SIAH3: variants seen among roughly 807,000 people sequenced by gnomAD.
SIAH3 encodes seven in absentia homolog 3.
In SIAH3, 9 loss-of-function variants were observed where a neutral mutation model predicts 12.6. The ratio of observed to expected loss-of-function variants is 0.72; its 90% CI spans 0.43 to 1.25. SIAH3 has a LOEUF of 1.25. Ranked by LOEUF, SIAH3 falls within the 50% of genes most tolerant of loss-of-function variation. The pLI, the probability that SIAH3 is intolerant of heterozygous loss-of-function variation, is 0.00. For missense variants in SIAH3, 390 were observed against 365.4 expected, an observed-to-expected ratio of 1.07 and a Z score of -0.55; for synonymous variants, 154 against 151.1, an observed-to-expected ratio of 1.02 and a Z score of -0.14.
intron 1 of SIAH3, among the ~76,000 whole-genome samples, chr13:45,785,129 C>A (rs1300431156): frequency 6.6e-6 from 1 of 152,182 alleles, no homozygotes; most frequent in Non-Finnish European, 1.5e-5. Context: ...ACTCTGAACA[C>A]AAGAGCACAC....
At position 45,847,709 on chromosome 13, in the gene SIAH3, C is replaced by G. The variant is rs75761091; in HGVS notation, c.135+3786G>C. ...GGGGTTGTCTGGGGTGGTGCAGGCA[C>G]AGGTTGGAGGTATCAGAGAGGGCCT... On this transcript the variant is annotated intron_variant, in intron 1 of 1. Coordinates refer to ENST00000400405, the MANE Select transcript of SIAH3 (RefSeq NM_198849.3). Among the ~76,000 whole-genome samples the G allele has an allele frequency of 0.012, 1,751 of 151,786 alleles. 102 individuals are homozygous for G. In the East Asian group the frequency reaches 0.14, roughly 12 times the overall value.
In SIAH3 at chr13:45,851,517, A is replaced by G. The variant is rs765718300; in HGVS notation, c.113T>C (p.Val38Ala). ...CACCTTTAGGTTGTGTGTGGGGTTG[A>G]CGACACAGACAAGTTGCCCGGCAGC... ...FSAAGQLVCVVNPTHNLKYVS... is the reference protein window; with the variant it reads ...FSAAGQLVCVANPTHNLKYVS... Residue 38 changes from valine to alanine, a missense_variant, in exon 1 of 2, where the codon GTC (valine) becomes GCC (alanine). Physicochemically the swap from Val to Ala is moderately conservative, Grantham distance 64 (BLOSUM62 0). Transcript: ENST00000400405. The G allele has an allele frequency of 6.2e-6, 10 of 1,614,170 alleles. No individual in the cohort carries two copies. In the Admixed American group the frequency reaches 1.7e-4, roughly 27 times the overall value.
intron 1 of SIAH3, among the ~76,000 whole-genome samples, chr13:45,813,039 T>C (rs1193680838): frequency 6.6e-6 from 1 of 152,222 alleles, no homozygotes; most frequent in Non-Finnish European, 1.5e-5. Flanking sequence ...TGTCCTGCCC[T>C]GGCTGTCTGC....
At chr13:45,813,646 A>G (rs938805646) in intron 1 of SIAH3, among the ~76,000 whole-genome samples, 6 of 152,308 alleles carry the variant, frequency 3.9e-5, no homozygotes, top group Non-Finnish European at 8.8e-5. Flanking sequence ...CACCAACCTA[A>G]TATTTCACAG....
intron 1 of SIAH3, among the ~76,000 whole-genome samples, chr13:45,795,674 G>C (rs1049024411): frequency 2.6e-5 from 4 of 152,130 alleles, no homozygotes; most frequent in Non-Finnish European, 5.9e-5. Context: ...ACTGTGGCAG[G>C]TCACCTTTTG....
intron 1 of SIAH3, among the ~76,000 whole-genome samples, chr13:45,808,301 CT>C (rs1950604846): frequency 6.6e-6 from 1 of 152,160 alleles, no homozygotes; most frequent in Admixed American, 6.5e-5. Context: ...CAGAAATAGT[CT>C]TTTAGTATCC....
chr13:45,801,110 C>T (rs985602718), intron 1 of SIAH3, among the ~76,000 whole-genome samples: 1 of 148,912 alleles, frequency 6.7e-6, no homozygotes, highest in Non-Finnish European at 1.5e-5. Flanking sequence ...GGGGGCATGG[C>T]TGTAGACGTT....
chr13:45,851,588 G>A lies in SIAH3; in HGVS notation c.42C>T (p.Leu14=), dbSNP rs2137590091. The change falls in exon 1 of 2, where the codon CTC becomes CTT. Residue 14 remains leucine, a synonymous_variant. Coordinates refer to ENST00000400405, the MANE Select transcript of SIAH3 (RefSeq NM_198849.3). ...FTQCFGAVLD[L]IHLRFQHYKA... is the part of the protein sequence containing the mutation. Reference sequence around the variant, plus strand: ...TGTAGTGCTGAAACCGGAGATGAATGAGATCTAATACAGCCCCAAAGCACT... The same window carrying A: ...TGTAGTGCTGAAACCGGAGATGAATAAGATCTAATACAGCCCCAAAGCACT... 6.2e-7 allele frequency: 1 copy of A among 1,614,182 alleles called. No individual in the cohort carries two copies. The highest frequency in any genetic ancestry group is 2.2e-5 in the East Asian group (1 of 44,890).
chr13:45,800,908 T>A lies in SIAH3; in HGVS notation c.136-16851A>T, dbSNP rs564557356. 1.2e-4 allele frequency among the ~76,000 whole-genome samples: 18 copies of A among 152,250 alleles called. No individual in the cohort carries two copies. In the South Asian group the frequency reaches 3.5e-3, roughly 30 times the overall value. On this transcript the variant is annotated intron_variant, in intron 1 of 1. Coordinates refer to ENST00000400405, the MANE Select transcript of SIAH3 (RefSeq NM_198849.3). ...GAACATCGTCTTTGTGGGCGACCTC[T>A]CCTGGCGCCATGTTCACAAGAGGGA...
intron 1 of SIAH3, 111 bp downstream of exon 1, chr13:45,851,384 C>G (rs2137589834): frequency 6.9e-7 from 1 of 1,450,810 alleles, no homozygotes. Flanking sequence ...GTCCCAGCCC[C>G]CGAGACCCGG....
At position 45,848,283 on chromosome 13, in the gene SIAH3, C is replaced by T. The variant is rs544043219; in HGVS notation, c.135+3212G>A. On this transcript the variant is annotated intron_variant, in intron 1 of 1. Transcript: ENST00000400405. ...GGAACCCTAATCTGTGCAAGTGGTC[C>T]TCAGAGACAGAGACAGGCAGAGACT... Among the ~76,000 whole-genome samples the T allele has an allele frequency of 2.6e-5, 4 of 152,300 alleles. No individual in the cohort carries two copies. In the East Asian group the frequency reaches 7.7e-4, roughly 29 times the overall value.
chr13:45,794,534 G>C (rs1316142637), intron 1 of SIAH3, among the ~76,000 whole-genome samples: 2 of 152,124 alleles, frequency 1.3e-5, no homozygotes, highest in African/African-American at 4.8e-5. Context: ...GGGACCCGGT[G>C]GGAGGTAACT....
chr13:45,784,019 TG>T lies in SIAH3; in HGVS notation c.173del (p.Pro58GlnfsTer45). On this transcript the variant is annotated frameshift_variant, in exon 2 of 2. Transcript: ENST00000400405. LOFTEE classifies it high-confidence loss of function. ...GGTGAGGGTGGAAGCTGCCTTGCTC[TG>T]GAGCGCTCTGAGTGACGGCGCGCCG... Reference protein sequence around the residue: ...SSRRAVTQSAPEQGSFHPHHL... With the variant: ...SSRRAVTQSAXEQGSFHPHHL... The T allele has an allele frequency of 6.2e-7, 1 of 1,603,136 alleles. No individual in the cohort carries two copies. The highest frequency in any genetic ancestry group is 8.5e-7 in the Non-Finnish European group (1 of 1,174,828).
chr13:45,846,131 C>T (rs1248322383), intron 1 of SIAH3, among the ~76,000 whole-genome samples: 1 of 111,138 alleles, frequency 9.0e-6, no homozygotes. Context: ...CTCTTGTTGC[C>T]CAGGCTGGAG....
At chr13:45,796,999 G>T (rs764087798) in intron 1 of SIAH3, among the ~76,000 whole-genome samples, 1 of 152,198 alleles carries the variant, frequency 6.6e-6, no homozygotes, top group Non-Finnish European at 1.5e-5. Context: ...AGGCTGGCAG[G>T]CTGGCCAGTC....
chr13:45,822,250 G>A (rs962814761), intron 1 of SIAH3, among the ~76,000 whole-genome samples: 2 of 152,020 alleles, frequency 1.3e-5, no homozygotes, highest in African/African-American at 4.8e-5. Flanking sequence ...AAAAATTGCT[G>A]TCTTTCTAGA....
Position 45,851,697 on chromosome 13 carries a change from A to T in SIAH3, c.-68T>A. The T allele has an allele frequency of 6.2e-7, 1 of 1,605,234 alleles. No individual in the cohort carries two copies. Among genetic ancestry groups the T allele is most frequent in the Non-Finnish European group, 8.5e-7 (1 of 1,174,194 alleles). ...AAGCTGTGAGTCCTTGGGCCCTGGA[A>T]GGAGCGCAGCCTCTGAGACACTCCG... On this transcript the variant is annotated 5_prime_UTR_variant, in exon 1 of 2. Transcript: ENST00000400405.
chr13:45,804,927 C>T lies in SIAH3; in HGVS notation c.136-20870G>A, dbSNP rs1593379363. On this transcript the variant is annotated intron_variant, in intron 1 of 1. Transcript: ENST00000400405. ...TAGCATTTTATACACCAATAATGTT[C>T]AAGCTGAGTCAAATCAAGAACTCAA... Among the ~76,000 whole-genome samples the T allele has an allele frequency of 2.0e-5, 3 of 150,072 alleles. No homozygotes were observed. The South Asian group carries it at 6.3e-4, about 32-fold the overall frequency.
At chr13:45,846,950 G>A (rs1157277915) in intron 1 of SIAH3, among the ~76,000 whole-genome samples, 1 of 152,202 alleles carries the variant, frequency 6.6e-6, no homozygotes, top group African/African-American at 2.4e-5. Context: ...CCCACAGAGT[G>A]GAGTGTCATA....
Sources: gnomAD v4.1 joint callset for allele counts (sites outside exome capture counted in the v4.1 genomes callset) on GRCh38, gnomAD v4.1.1 for gene constraint, MANE v1.5 for transcripts, NCBI Gene and HGNC (gene_info 2026-07-23, HGNC 2026-07-21) for gene names.